Variants in F5 observed in about 807,000 individuals in gnomAD.
The protein encoded by F5 is activated protein c cofactor.
A neutral mutation model predicts 216.4 loss-of-function variants in F5; 138 were observed. The ratio of observed to expected loss-of-function variants is 0.64; its 90% confidence interval spans 0.56 to 0.73. The LOEUF (loss-of-function observed/expected upper bound fraction) is 0.73, where lower values mean the gene tolerates loss of function less well. F5 is among the 30% of genes least tolerant of loss of function. F5 has a pLI of 0.00. For missense variants in F5, 2,403 were observed against 2,674.0 expected, an observed-to-expected ratio of 0.90 and a Z score of 2.24; for synonymous variants, 916 against 930.7, an observed-to-expected ratio of 0.98 and a Z score of 0.29.
In F5 at chr1:169,540,929, G is replaced by A. The variant is rs746239071; in HGVS notation, c.4161C>T (p.Asp1387=). ...PELSQTNLSP[D]LSEMPLFADL... ...CTGCAAAGAGGGGCATCTCACTGAG[G>A]TCTGGGGAAAGGTTTGTCTGACTGA... Residue 1387 remains aspartate, a synonymous_variant, in exon 13 of 25, where the codon GAC becomes GAT. Transcript: ENST00000367797. The A allele has an allele frequency of 1.9e-6, 3 of 1,614,082 alleles. No individual in the cohort carries two copies. The highest frequency in any genetic ancestry group is 3.3e-5 in the Admixed American group (2 of 59,996).
chr1:169,554,355 T>G (rs898976602), intron 7 of F5, among the ~76,000 whole-genome samples: 67 of 152,244 alleles, frequency 4.4e-4, no homozygotes, highest in African/African-American at 1.6e-3. Flanking sequence ...CTTGGAGAAC[T>G]TTTTGTATTA....
chr1:169,543,008 C>T lies in F5; in HGVS notation c.2082G>A (p.Glu694=), dbSNP rs918604446. ...CIPDDDEDSY[E]IFEPPESTVM... is the part of the protein sequence containing the mutation. ...CTGTAGATTCTGGAGGTTCAAAAATCTCATATGAGTCTTCATCATCATCTG... is the reference window on the plus strand; with the variant it reads ...CTGTAGATTCTGGAGGTTCAAAAATTTCATATGAGTCTTCATCATCATCTG... Residue 694 remains glutamate, a synonymous_variant, in exon 13 of 25, where the codon GAG becomes GAA. Transcript: ENST00000367797. The T allele has an allele frequency of 6.2e-7, 1 of 1,614,068 alleles. No homozygotes were observed. The highest frequency in any genetic ancestry group is 1.1e-5 in the South Asian group (1 of 91,082).
Position 169,525,971 on chromosome 1 carries a change from C to T in F5, c.5646G>A (p.Trp1882Ter), listed in dbSNP as rs1557908012. The change falls in exon 18 of 25, where the codon TGG becomes TGA. Residue 1882 changes from tryptophan to a stop codon, truncating the protein, a stop_gained. Coordinates refer to ENST00000367797, the MANE Select transcript of F5 (RefSeq NM_000130.5). LOFTEE classifies it high-confidence loss of function. ...LEMKASKPGW[W>*]LLNTEVGENQ... Reference sequence around the variant, plus strand: ...TTTCTCCAACCTCTGTGTTTAGGAGCCACCAGCCAGGTTTTGATGCCTTCA... The same window carrying T: ...TTTCTCCAACCTCTGTGTTTAGGAGTCACCAGCCAGGTTTTGATGCCTTCA... 6.2e-7 allele frequency: 1 copy of T among 1,613,280 alleles called. No individual in the cohort carries two copies. Among genetic ancestry groups the T allele is most frequent in the South Asian group, 1.1e-5 (1 of 91,064 alleles).
chr1:169,581,451 T>C (rs1024013324), intron 2 of F5, among the ~76,000 whole-genome samples: 3 of 152,102 alleles, frequency 2.0e-5, no homozygotes, highest in African/African-American at 7.2e-5. Context: ...GGGAGATTTT[T>C]TTTTTTCTTT....
Position 169,546,979 on chromosome 1 carries a change from A to G in F5, c.1612-387T>C, listed in dbSNP as rs1230749719. On this transcript the variant is annotated intron_variant, in intron 10 of 24. Coordinates refer to ENST00000367797, the MANE Select transcript of F5 (RefSeq NM_000130.5). ...ACCCGTCTCTACTAAAAAAAAAAAA[A>G]AAAAGAAAAGAAAAGAAAAGAAAAG... is the stretch of plus-strand genomic sequence containing the variant. 2.3e-4 allele frequency among the ~76,000 whole-genome samples: 18 copies of G among 77,878 alleles called. 1 individual carries two copies. Among genetic ancestry groups the G allele is most frequent in the Non-Finnish European group, 1.7e-4 (7 of 40,162 alleles). 51.1% of individuals were successfully genotyped at this position (77,878 alleles called of 152,430 possible). A position where few individuals can be genotyped will look rare whatever the true frequency, so the allele number is the denominator to read the frequency against.
chr1:169,548,927 C>G (rs1205906171), intron 10 of F5, among the ~76,000 whole-genome samples: 3 of 151,520 alleles, frequency 2.0e-5, no homozygotes, highest in Non-Finnish European at 4.4e-5. Flanking sequence ...GCTATGGCAG[C>G]TGAAAGTCTG....
In F5 at chr1:169,541,122, G is replaced by A. The variant is rs191150742; in HGVS notation, c.3968C>T (p.Pro1323Leu). The change falls in exon 13 of 25, where the codon CCA becomes CTA. Residue 1323 changes from proline (P) to leucine (L), a missense_variant. Physicochemically the swap from Pro to Leu is moderately conservative, Grantham distance 98. Transcript: ENST00000367797. ...AGAAAGGGTTGTATGGCTGAGGTCTGGAGAAATGGGCATCTGACCGAGGGC... is the reference window on the plus strand; with the variant it reads ...AGAAAGGGTTGTATGGCTGAGGTCTAGAGAAATGGGCATCTGACCGAGGGC... Reference protein sequence around the residue: ...SPALGQMPISPDLSHTTLSLD... With the variant: ...SPALGQMPISLDLSHTTLSLD... The A allele has an allele frequency of 1.3e-6, 2 of 1,556,992 alleles. No individual in the cohort carries two copies. The highest frequency in any genetic ancestry group is 4.8e-5 in the East Asian group (2 of 41,906).
intron 2 of F5, among the ~76,000 whole-genome samples, chr1:169,579,089 A>T (rs1007939756): frequency 6.7e-6 from 1 of 150,024 alleles, no homozygotes; most frequent in Non-Finnish European, 1.5e-5. Context: ...TCTGGAACCA[A>T]GTTTCAGGGA....
chr1:169,577,236 C>T (rs1486096139), intron 2 of F5, among the ~76,000 whole-genome samples: 7 of 151,990 alleles, frequency 4.6e-5, no homozygotes, highest in Non-Finnish European at 1.0e-4. Context: ...TAATCCAATC[C>T]CCTGCTCTTA....
At chr1:169,586,139 A>C in intron 1 of F5, 90 bp downstream of exon 1, 1 of 1,488,088 alleles carries the variant, frequency 6.7e-7, no homozygotes, top group Non-Finnish European at 9.1e-7. Flanking sequence ...TAAAAAAAAA[A>C]AAAGCCATGA....
At chr1:169,556,425 TAAA>T (rs61568675) in intron 6 of F5, among the ~76,000 whole-genome samples, 1 of 58,906 alleles carries the variant, frequency 1.7e-5, no homozygotes, top group African/African-American at 8.9e-5. Flanking sequence ...TTTGCTTAAT[TAAA>T]AAAAAAAAAA....
intron 14 of F5, 73 bp downstream of exon 14, chr1:169,536,433 A>T: frequency 7.8e-7 from 1 of 1,280,410 alleles, no homozygotes; most frequent in Non-Finnish European, 1.1e-6. Context: ...CTCTCTTGCC[A>T]CCTGCACCTT....
intron 5 of F5, 129 bp downstream of exon 5, chr1:169,559,024 T>A (rs1217834355): frequency 5.4e-6 from 5 of 926,016 alleles, no homozygotes; most frequent in East Asian, 2.6e-5. Context: ...AAAGAGAAAA[T>A]ATTTCCTTCT....
At chr1:169,515,218 C>T (rs1262471288) in intron 24 of F5, among the ~76,000 whole-genome samples, 1 of 151,870 alleles carries the variant, frequency 6.6e-6, no homozygotes, top group African/African-American at 2.4e-5. Flanking sequence ...TTTTTTATGA[C>T]AATGATATTT....
At chr1:169,539,397 T>C (rs1173395999) in intron 13 of F5, among the ~76,000 whole-genome samples, 1 of 152,160 alleles carries the variant, frequency 6.6e-6, no homozygotes, top group African/African-American at 2.4e-5. Flanking sequence ...GGTGGTTCCA[T>C]CCCTATTCAC....
chr1:169,575,072 T>C (rs1295107549), intron 2 of F5, among the ~76,000 whole-genome samples: 1 of 152,198 alleles, frequency 6.6e-6, no homozygotes, highest in Non-Finnish European at 1.5e-5. Context: ...GTAAATATTA[T>C]GACAGAAAAG....
chr1:169,555,902 TC>T (rs1236848046), intron 6 of F5, among the ~76,000 whole-genome samples: 1 of 152,178 alleles, frequency 6.6e-6, no homozygotes, highest in Non-Finnish European at 1.5e-5. Context: ...ACAGAAATGA[TC>T]TCATGAAGTA....
chr1:169,553,355 C>G (rs1475219145), intron 7 of F5, among the ~76,000 whole-genome samples: 1 of 152,108 alleles, frequency 6.6e-6, no homozygotes, highest in Admixed American at 6.5e-5. Context: ...CAACTACATG[C>G]GGCCAAAAAG....
At position 169,536,553 on chromosome 1, in the gene F5, C is replaced by T. The variant is rs866997995; in HGVS notation, c.4924G>A (p.Gly1642Arg). Reference sequence around the variant, plus strand: ...GCTCTGATAATAGGACCAAGAATTCCGAGATGCTCTTCATACTCCCCTCGA... The same window carrying T: ...GCTCTGATAATAGGACCAAGAATTCTGAGATGCTCTTCATACTCCCCTCGA... ...DPRGEYEEHL[G>R]ILGPIIRAEV... The change falls in exon 14 of 25, where the codon GGA becomes AGA. Residue 1642 changes from glycine (G) to arginine (R), a missense_variant. Gly to Arg is a moderately radical substitution (Grantham distance 125). Around this residue, in one of 4 missense-constraint regions of F5, gnomAD observed 659 missense variants for 787.9 expected, o/e 0.84. Coordinates refer to ENST00000367797, the MANE Select transcript of F5 (RefSeq NM_000130.5). The T allele has an allele frequency of 1.5e-5, 25 of 1,613,412 alleles. No homozygotes were observed. Among genetic ancestry groups the T allele is most frequent in the Admixed American group, 1.3e-4 (8 of 59,956 alleles).
Sources: gnomAD v4.1 joint callset for allele counts (sites outside exome capture counted in the v4.1 genomes callset) on GRCh38, gnomAD v4.1.1 for gene constraint, gnomAD v4.1.1 regional missense constraint, MANE v1.5 for transcripts, NCBI Gene and HGNC (gene_info 2026-07-23, HGNC 2026-07-21) for gene names.